The following TENT4A variants were observed in gnomAD, a reference collection of about 807,000 sequenced individuals.
TENT4A encodes the protein terminal nucleotidyltransferase 4A, also known as DNA polymerase kappa.
TENT4A carries 7 observed loss-of-function variants against 72.8 expected under a neutral mutation model. The observed-to-expected ratio is 0.10, with a 90% confidence interval of 0.05 to 0.18. The LOEUF is 0.18. TENT4A is among the 10% of genes least tolerant of loss of function. The pLI, the probability that TENT4A is intolerant of heterozygous loss-of-function variation, is 1.00. For missense variants in TENT4A, 831 were observed against 1,017.7 expected, an observed-to-expected ratio of 0.82 and a Z score of 2.50; for synonymous variants, 456 against 434.3, an observed-to-expected ratio of 1.05 and a Z score of -0.62.
chr5:6,746,794 C>G (rs1250308540), intron 7 of TENT4A, among the ~76,000 whole-genome samples: 2 of 152,114 alleles, frequency 1.3e-5, no homozygotes, highest in Non-Finnish European at 2.9e-5. Flanking sequence ...CCACTTTTTC[C>G]CTATATGGAT....
chr5:6,739,840 T>C lies in TENT4A; in HGVS notation c.996T>C (p.Leu332=). 2 of 1,614,080 alleles carry C rather than the reference T, an allele frequency of 1.2e-6. No homozygotes were observed. Among genetic ancestry groups the C allele is most frequent in the Non-Finnish European group, 1.7e-6 (2 of 1,179,920 alleles). ...CTGAGCCGTGTTCCATCAAAGTCCTTGACAAGGCTACGGTGAGTGCCTGGC... is the reference window on the plus strand; with the variant it reads ...CTGAGCCGTGTTCCATCAAAGTCCTCGACAAGGCTACGGTGAGTGCCTGGC... The part of the protein sequence containing the change: ...NVAEPCSIKV[L]DKATVPIIKL... The change falls in exon 4 of 13, where the codon CTT becomes CTC. Residue 332 remains leucine, a synonymous_variant. Transcript: ENST00000230859.
In TENT4A at chr5:6,755,880, A is replaced by G. The variant is rs748934515; in HGVS notation, c.*935A>G. 2 of 152,284 alleles carry G rather than the reference A, an allele frequency of 1.3e-5. No homozygotes were observed. Among genetic ancestry groups the G allele is most frequent in the African/African-American group, 4.8e-5 (2 of 41,474 alleles). 9.4% of individuals were successfully genotyped at this position (152,284 alleles called of 1,614,324 possible). Reference sequence around the variant, plus strand: ...CTAAGGAGAGAAGGGTTGTCACATTATAAAATCTTTAGGAAAATGTGAACT... The same window carrying G: ...CTAAGGAGAGAAGGGTTGTCACATTGTAAAATCTTTAGGAAAATGTGAACT... On this transcript the variant is annotated 3_prime_UTR_variant, in exon 13 of 13. Coordinates refer to ENST00000230859, the MANE Select transcript of TENT4A (RefSeq NM_006999.6).
chr5:6,743,897 C>T, intron 6 of TENT4A, 57 bp downstream of exon 6: 4 of 1,536,508 alleles, frequency 2.6e-6, no homozygotes, highest in South Asian at 2.4e-5. Context: ...GTAGACTCTT[C>T]CAACCAGTTG....
chr5:6,730,488 T>C (rs1162680279), intron 1 of TENT4A, among the ~76,000 whole-genome samples: 1 of 152,046 alleles, frequency 6.6e-6, no homozygotes, highest in Non-Finnish European at 1.5e-5. Context: ...TCCAGGGGAG[T>C]GCGCCCTCCT....
At chr5:6,720,798 G>A (rs1048010352) in intron 1 of TENT4A, among the ~76,000 whole-genome samples, 2 of 152,148 alleles carry the variant, frequency 1.3e-5, no homozygotes, top group African/African-American at 4.8e-5. Context: ...TCCTGCATTG[G>A]CTAGTTTAGG....
At position 6,714,708 on chromosome 5, in the gene TENT4A, G is replaced by A. The variant is rs1265898694; in HGVS notation, c.716+9G>A. On this transcript the variant is annotated intron_variant, in intron 1 of 12. Transcript: ENST00000230859. ...AGCCCGGGCATCCAGGGGTGAGTGC[G>A]CGGGGAGGCCGCGGGGGCGGGGGCG... is the stretch of plus-strand genomic sequence containing the variant. 9.3e-6 allele frequency: 11 copies of A among 1,184,606 alleles called. No homozygotes were observed. In the East Asian group the frequency reaches 1.8e-4, roughly 20 times the overall value. The allele number at this position is 1,184,606 out of a possible 1,614,324, so 73.4% of individuals were successfully genotyped here.
At chr5:6,749,700 G>A (rs1474180892) in intron 9 of TENT4A, 43 bp downstream of exon 9, 3 of 1,241,464 alleles carry the variant, frequency 2.4e-6, no homozygotes, top group South Asian at 1.2e-5. Flanking sequence ...CCACTGGCTG[G>A]CATGTTCATG....
chr5:6,723,762 T>C (rs1740772953), intron 1 of TENT4A, among the ~76,000 whole-genome samples: 1 of 152,178 alleles, frequency 6.6e-6, no homozygotes, highest in Non-Finnish European at 1.5e-5. Context: ...CAGGACAAAG[T>C]TGATAGCTGT....
rs1429507554 is a variant in TENT4A, at chr5:6,737,506, T to C, written c.717-4T>C. 1 of 1,609,402 alleles carries C rather than the reference T, an allele frequency of 6.2e-7. No homozygotes were observed. Among genetic ancestry groups the C allele is most frequent in the African/African-American group, 1.3e-5 (1 of 74,782 alleles). On this transcript the variant is annotated splice_region_variant and splice_polypyrimidine_tract_variant and intron_variant, in intron 1 of 12. Transcript: ENST00000230859. Reference sequence around the variant, plus strand: ...TCTAGTATGTTTTCTTTTTTGTCCATTAGACTACATGAGGAAATAATTGAC... The same window carrying C: ...TCTAGTATGTTTTCTTTTTTGTCCACTAGACTACATGAGGAAATAATTGAC...
intron 1 of TENT4A, among the ~76,000 whole-genome samples, chr5:6,720,907 G>C (rs1371152881): frequency 6.6e-6 from 1 of 152,064 alleles, no homozygotes; most frequent in Non-Finnish European, 1.5e-5. Context: ...TCTTTGCTTT[G>C]CAGAAGATGT....
Position 6,714,241 on chromosome 5 carries a change from C to G in TENT4A, c.258C>G (p.Pro86=), listed in dbSNP as rs1419335953. The change falls in exon 1 of 13, where the codon CCC becomes CCG. Residue 86 remains proline, a synonymous_variant. Transcript: ENST00000230859. The stretch of plus-strand genomic sequence containing the variant: ...CCACCGCGCCCGCCGCGCTGCCCCC[C>G]GCGCTGCTGACGGCGCTGGGGCCCG... ...PGPTAPAALP[P]ALLTALGPAA... 3.0e-6 allele frequency: 3 copies of G among 1,014,906 alleles called. No homozygotes were observed. Among genetic ancestry groups the G allele is most frequent in the East Asian group, 9.5e-5 (1 of 10,524 alleles). The allele number at this position is 1,014,906 out of a possible 1,614,324, so 62.9% of individuals were successfully genotyped here.
intron 8 of TENT4A, among the ~76,000 whole-genome samples, chr5:6,749,260 C>T (rs1251114128): frequency 1.3e-5 from 2 of 152,110 alleles, no homozygotes; most frequent in African/African-American, 4.8e-5. Context: ...CTCGTCCGTG[C>T]AGTGGGAAGT....
chr5:6,714,239 C>G lies in TENT4A; in HGVS notation c.256C>G (p.Pro86Ala), dbSNP rs1000869697. The G allele has an allele frequency of 8.9e-6, 9 of 1,012,332 alleles. No individual in the cohort carries two copies. The highest frequency in any genetic ancestry group is 7.0e-5 in the African/African-American group (4 of 56,748). The allele number at this position is 1,012,332 out of a possible 1,614,324, so 62.7% of individuals were successfully genotyped here. A position where few individuals can be genotyped will look rare whatever the true frequency, so the allele number is the denominator to read the frequency against. The change falls in exon 1 of 13, where the codon CCC (proline) becomes GCC (alanine). Residue 86 changes from proline (P) to alanine (A), a missense_variant. Around this residue, in one of 3 missense-constraint regions of TENT4A, gnomAD observed 302 missense variants for 293.8 expected, o/e 1.03. Transcript: ENST00000230859. ...PGPTAPAALP[P>A]ALLTALGPAA... ...CCCCACCGCGCCCGCCGCGCTGCCC[C>G]CCGCGCTGCTGACGGCGCTGGGGCC...
chr5:6,750,897 C>A, intron 10 of TENT4A, 142 bp from the exon 11 acceptor site: 1 of 841,912 alleles, frequency 1.2e-6, no homozygotes, highest in Non-Finnish European at 1.9e-6. Flanking sequence ...TAGGTTTGGG[C>A]TGCCTGTTCA....
chr5:6,739,694 G>A (rs377336193), intron 3 of TENT4A, 38 bp from the exon 4 acceptor site: 58 of 1,611,414 alleles, frequency 3.6e-5, no homozygotes, highest in Admixed American at 2.0e-4. Flanking sequence ...AGGCTGTGGC[G>A]AGGGGAGCAG....
intron 1 of TENT4A, among the ~76,000 whole-genome samples, chr5:6,726,430 C>T (rs984409665): frequency 1.3e-5 from 2 of 152,108 alleles, no homozygotes; most frequent in African/African-American, 2.4e-5. Context: ...TTCTTTGAGG[C>T]GACGCCCCCT....
rs1463765332 is a variant in TENT4A, at chr5:6,751,356, G to A, written c.2019+159G>A. 1.2e-5 allele frequency: 9 copies of A among 734,336 alleles called. No individual in the cohort carries two copies. The East Asian group carries it at 2.4e-4, about 20-fold the overall frequency. The allele number at this position is 734,336 out of a possible 1,614,324, so 45.5% of individuals were successfully genotyped here. On this transcript the variant is annotated intron_variant, in intron 11 of 12. Coordinates refer to ENST00000230859, the MANE Select transcript of TENT4A (RefSeq NM_006999.6). The stretch of plus-strand genomic sequence containing the variant: ...TGTTCTAGGAAATCCTCTCTTTTTT[G>A]TGGTGTTGAGGTCCCCCATGTATAG...
chr5:6,725,947 A>G (rs918373543), intron 1 of TENT4A, among the ~76,000 whole-genome samples: 3 of 152,230 alleles, frequency 2.0e-5, no homozygotes, highest in Non-Finnish European at 4.4e-5. Flanking sequence ...ATAAAACATG[A>G]TGAAAACCTT....
rs1053023108 is a variant in TENT4A at position 6,753,011 on chromosome 5, C to T, written c.2158C>T (p.Leu720Phe). Reference sequence around the variant, plus strand: ...CATTCCCTCAGCGTCCCCCAACCCGCTCTCGAGCCCTCATCTGTATCATAA... The same window carrying T: ...CATTCCCTCAGCGTCCCCCAACCCGTTCTCGAGCCCTCATCTGTATCATAA... ...PAIPSASPNP[L>F]SSPHLYHKQH... Residue 720 changes from leucine to phenylalanine, a missense_variant, in exon 12 of 13, where the codon CTC (leucine) becomes TTC (phenylalanine). Coordinates refer to ENST00000230859, the MANE Select transcript of TENT4A (RefSeq NM_006999.6). The T allele has an allele frequency of 6.2e-7, 1 of 1,614,188 alleles. No individual in the cohort carries two copies. The highest frequency in any genetic ancestry group is 8.5e-7 in the Non-Finnish European group (1 of 1,180,024).
Sources: allele counts gnomAD v4.1 joint callset (sites outside exome capture counted in the v4.1 genomes callset), GRCh38; gene constraint gnomAD v4.1.1; regional missense constraint gnomAD v4.1.1; transcripts MANE v1.5; gene names NCBI Gene and HGNC (gene_info 2026-07-23, HGNC 2026-07-21).